Variants in LRRC4C observed in about 807,000 individuals in gnomAD.
The protein encoded by LRRC4C is leucine rich repeat containing 4C, also known as leucine-rich repeat-containing protein 4C.
In LRRC4C, 5 loss-of-function variants were observed where a neutral mutation model predicts 33.6. The ratio of observed to expected loss-of-function variants is 0.15; its 90% CI spans 0.08 to 0.31. The LOEUF is 0.31. Ranked by LOEUF, LRRC4C falls within the 10% of genes least tolerant of loss-of-function variation. The pLI is 1.00. For missense variants in LRRC4C, 560 were observed against 796.7 expected (o/e 0.70, Z 3.58); for synonymous variants, 329 against 302.0 (o/e 1.09, Z -0.93).
At chr11:40,478,303 A>G (rs1243078314) in intron 3 of LRRC4C, among the ~76,000 whole-genome samples, 1 of 152,204 alleles carries the variant, frequency 6.6e-6, no homozygotes, top group Non-Finnish European at 1.5e-5. Flanking sequence ...TTCTCTGAGA[A>G]CAAGCTTTTA....
chr11:40,906,764 G>A (rs1215608125), intron 2 of LRRC4C, among the ~76,000 whole-genome samples: 1 of 151,626 alleles, frequency 6.6e-6, no homozygotes, highest in Non-Finnish European at 1.5e-5. Flanking sequence ...TATGTATTCT[G>A]TTTAATTTCT....
chr11:40,718,813 C>T (rs1946861003), intron 2 of LRRC4C, among the ~76,000 whole-genome samples: 1 of 152,054 alleles, frequency 6.6e-6, no homozygotes, highest in Non-Finnish European at 1.5e-5. Context: ...TTATTCCTAT[C>T]TGGATAAGGA....
At chr11:41,435,232 G>A (rs1185571630) in intron 1 of LRRC4C, among the ~76,000 whole-genome samples, 1 of 152,164 alleles carries the variant, frequency 6.6e-6, no homozygotes, top group East Asian at 1.9e-4. Context: ...CATACCATAT[G>A]ATGTATGTGC....
chr11:40,498,464 C>G (rs1366417616), intron 3 of LRRC4C, among the ~76,000 whole-genome samples: 5 of 152,160 alleles, frequency 3.3e-5, no homozygotes, highest in Non-Finnish European at 5.9e-5. Flanking sequence ...CAAATGGTTT[C>G]ATTACTTTTG....
chr11:41,421,781 A>C (rs1467314224), intron 1 of LRRC4C, among the ~76,000 whole-genome samples: 1 of 152,116 alleles, frequency 6.6e-6, no homozygotes, highest in South Asian at 2.1e-4. Flanking sequence ...GGGGAGAATT[A>C]ATTATGAATG....
At chr11:40,842,651 C>G (rs1451100063) in intron 2 of LRRC4C, among the ~76,000 whole-genome samples, 1 of 152,020 alleles carries the variant, frequency 6.6e-6, no homozygotes. Flanking sequence ...TTATTTTTAT[C>G]TAACTGAAAT....
At chr11:40,929,723 T>C (rs1393104162) in intron 2 of LRRC4C, among the ~76,000 whole-genome samples, 3 of 152,152 alleles carry the variant, frequency 2.0e-5, no homozygotes, top group African/African-American at 7.2e-5. Context: ...CACGCCATTC[T>C]CCTGCCTCAG....
intron 2 of LRRC4C, among the ~76,000 whole-genome samples, chr11:40,682,428 A>G (rs143015637): frequency 4.1e-4 from 63 of 152,270 alleles, no homozygotes; most frequent in Admixed American, 4.6e-4. Flanking sequence ...CCTCATACCA[A>G]CAGTATGGGC....
intron 3 of LRRC4C, among the ~76,000 whole-genome samples, chr11:40,462,204 TA>T (rs1399049449): frequency 2.0e-5 from 3 of 152,186 alleles, no homozygotes; most frequent in Admixed American, 2.0e-4. Context: ...AGGATAAAAC[TA>T]AACATTCTTT....
At chr11:40,421,479 A>G (rs1051753582) in intron 3 of LRRC4C, among the ~76,000 whole-genome samples, 2 of 152,188 alleles carry the variant, frequency 1.3e-5, no homozygotes, top group South Asian at 4.1e-4. Flanking sequence ...TTGTAATGAC[A>G]GGCACAGCAG....
intron 2 of LRRC4C, among the ~76,000 whole-genome samples, chr11:40,820,482 A>G (rs1233524338): frequency 6.6e-6 from 1 of 151,924 alleles, no homozygotes; most frequent in African/African-American, 2.4e-5. Context: ...AAGAGTAGGG[A>G]GTAAAACACA....
intron 1 of LRRC4C, among the ~76,000 whole-genome samples, chr11:40,940,518 T>C (rs1592143355): frequency 6.6e-6 from 1 of 152,314 alleles, no homozygotes; most frequent in Middle Eastern, 3.4e-3. Flanking sequence ...CTTTGGATTT[T>C]GTCAGTAACT....
chr11:40,755,519 C>T (rs1948906542), intron 2 of LRRC4C, among the ~76,000 whole-genome samples: 1 of 152,052 alleles, frequency 6.6e-6, no homozygotes, highest in Non-Finnish European at 1.5e-5. Flanking sequence ...TATTGCTGCT[C>T]CATTTTTTAT....
chr11:41,106,804 C>T (rs551553543), intron 1 of LRRC4C, among the ~76,000 whole-genome samples: 6 of 151,784 alleles, frequency 4.0e-5, no homozygotes, highest in East Asian at 3.9e-4. Context: ...TCACTTGAGC[C>T]CAGGAGATTG....
chr11:40,556,356 A>G, intron 3 of LRRC4C, among the ~76,000 whole-genome samples: 1 of 152,226 alleles, frequency 6.6e-6, no homozygotes, highest in Non-Finnish European at 1.5e-5. Flanking sequence ...AGATATTTCA[A>G]TCAGCAAGGC....
intron 2 of LRRC4C, among the ~76,000 whole-genome samples, chr11:40,762,725 C>G (rs555070972): frequency 6.6e-6 from 1 of 152,182 alleles, no homozygotes; most frequent in East Asian, 1.9e-4. Flanking sequence ...AGTCTGGCTA[C>G]CCATTCCCTA....
chr11:40,201,618 C>G (rs1353708170), intron 5 of LRRC4C, among the ~76,000 whole-genome samples: 1 of 152,046 alleles, frequency 6.6e-6, no homozygotes, highest in East Asian at 1.9e-4. Context: ...TCTGCAGACC[C>G]CATGGAAGCG....
At chr11:40,775,856 T>A (rs1028907424) in intron 2 of LRRC4C, among the ~76,000 whole-genome samples, 7 of 152,212 alleles carry the variant, frequency 4.6e-5, no homozygotes, top group African/African-American at 1.7e-4. Context: ...CTTGTACCCA[T>A]TCTTAAGGGG....
At chr11:40,274,444 C>CACACAA (rs1447654472) in intron 4 of LRRC4C, among the ~76,000 whole-genome samples, 1 of 151,274 alleles carries the variant, frequency 6.6e-6, no homozygotes, top group Non-Finnish European at 1.5e-5. Flanking sequence ...CACACACACA[C>CACACAA]ACACACACAC....
Sources: gnomAD v4.1 joint callset for allele counts (sites outside exome capture counted in the v4.1 genomes callset) on GRCh38, gnomAD v4.1.1 for gene constraint, MANE v1.5 for transcripts, NCBI Gene and HGNC (gene_info 2026-07-23, HGNC 2026-07-21) for gene names.